Variants in CDH2 observed in about 807,000 individuals in gnomAD.
CDH2 encodes the protein cadherin 2.
CDH2 carries 17 observed loss-of-function variants against 92.0 expected under a neutral mutation model. The ratio of observed to expected loss-of-function variants is 0.18; its 90% CI spans 0.13 to 0.28. The LOEUF is 0.28. CDH2 is among the 10% of genes least tolerant of loss of function. CDH2 has a pLI of 1.00. For missense variants in CDH2, 862 were observed against 1,133.1 expected (o/e 0.76, Z 3.44); for synonymous variants, 419 against 415.9 (o/e 1.01, Z -0.09).
intron 1 of CDH2, among the ~76,000 whole-genome samples, chr18:28,171,471 C>T (rs951333360): frequency 3.3e-5 from 5 of 152,052 alleles, no homozygotes; most frequent in Non-Finnish European, 2.9e-5. Flanking sequence ...ATTACACTTA[C>T]CTTCCTTTAA....
chr18:28,037,345 C>T (rs1226581617), intron 2 of CDH2, among the ~76,000 whole-genome samples: 1 of 152,152 alleles, frequency 6.6e-6, no homozygotes, highest in Non-Finnish European at 1.5e-5. Flanking sequence ...TCTGAGGATT[C>T]AGATAGGTTG....
At chr18:28,170,150 CT>C (rs2016443151) in intron 1 of CDH2, among the ~76,000 whole-genome samples, 1 of 152,198 alleles carries the variant, frequency 6.6e-6, no homozygotes, top group African/African-American at 2.4e-5. Context: ...TTTGGATCTA[CT>C]TATAGCTCAG....
At chr18:28,130,031 C>T (rs1316508232) in intron 2 of CDH2, among the ~76,000 whole-genome samples, 4 of 152,122 alleles carry the variant, frequency 2.6e-5, no homozygotes, top group Admixed American at 6.5e-5. Flanking sequence ...TCTTGTCTTC[C>T]GTTTCCATTT....
chr18:28,081,726 T>C (rs1328015738), intron 2 of CDH2, among the ~76,000 whole-genome samples: 1 of 152,222 alleles, frequency 6.6e-6, no homozygotes, highest in African/African-American at 2.4e-5. Context: ...GTTGCATTTA[T>C]AAAACTGACC....
At chr18:28,050,314 G>A (rs969470091) in intron 2 of CDH2, among the ~76,000 whole-genome samples, 1 of 152,146 alleles carries the variant, frequency 6.6e-6, no homozygotes, top group Non-Finnish European at 1.5e-5. Flanking sequence ...ATAGCATATA[G>A]TTATAAGCCT....
At chr18:28,175,972 G>T (rs2016533920) in intron 1 of CDH2, among the ~76,000 whole-genome samples, 1 of 152,206 alleles carries the variant, frequency 6.6e-6, no homozygotes, top group Non-Finnish European at 1.5e-5. Flanking sequence ...GCCTGGGCTG[G>T]CTGGTCGGGA....
chr18:28,131,780 C>G (rs1444655210), intron 2 of CDH2, among the ~76,000 whole-genome samples: 1 of 151,932 alleles, frequency 6.6e-6, no homozygotes, highest in African/African-American at 2.4e-5. Context: ...AATTTGCAAG[C>G]TAGCATCCCA....
chr18:27,954,006 C>T (rs1391848370), intron 15 of CDH2, among the ~76,000 whole-genome samples: 1 of 152,106 alleles, frequency 6.6e-6, no homozygotes, highest in Non-Finnish European at 1.5e-5. Flanking sequence ...TACACATGAC[C>T]AGTTTTCTCA....
At chr18:27,958,974 T>C (rs1020226559) in intron 15 of CDH2, among the ~76,000 whole-genome samples, 19 of 152,206 alleles carry the variant, frequency 1.2e-4, no homozygotes, top group Admixed American at 5.9e-4. Flanking sequence ...TGTGAGTTGA[T>C]TAAACCTCTT....
intron 2 of CDH2, among the ~76,000 whole-genome samples, chr18:28,025,709 C>A (rs140259367): frequency 6.6e-6 from 1 of 151,376 alleles, no homozygotes; most frequent in Non-Finnish European, 1.5e-5. Context: ...GGGTAATTAC[C>A]ATAGCCATCA....
chr18:27,950,414 T>C (rs1482409461), downstream of CDH2, among the ~76,000 whole-genome samples: 2 of 152,132 alleles, frequency 1.3e-5, no homozygotes, highest in Non-Finnish European at 2.9e-5. Context: ...TTCCTTTTGT[T>C]GCCCTCTGCA....
chr18:27,948,054 C>T (rs1326325703), downstream of CDH2, among the ~76,000 whole-genome samples: 5 of 148,384 alleles, frequency 3.4e-5, no homozygotes, highest in Admixed American at 6.8e-5. Flanking sequence ...AGTGTGTATA[C>T]GGTAAAGAAT....
chr18:28,160,128 A>G (rs1680033308), intron 1 of CDH2, among the ~76,000 whole-genome samples: 1 of 151,932 alleles, frequency 6.6e-6, no homozygotes, highest in East Asian at 1.9e-4. Context: ...GGAAAATGAT[A>G]GCTGTTTAAG....
chr18:27,958,982 CT>C (rs2011327627), intron 15 of CDH2, among the ~76,000 whole-genome samples: 1 of 152,162 alleles, frequency 6.6e-6, no homozygotes, highest in African/African-American at 2.4e-5. Flanking sequence ...GATTAAACCT[CT>C]TTCCTTTGTA....
At chr18:28,077,961 C>T (rs73400074) in intron 2 of CDH2, among the ~76,000 whole-genome samples, 4 of 147,294 alleles carry the variant, frequency 2.7e-5, no homozygotes, top group African/African-American at 1.0e-4. Flanking sequence ...TTAAGCTTTG[C>T]AAAATCTGGA....
chr18:27,972,320 T>C (rs1054218968), intron 14 of CDH2, among the ~76,000 whole-genome samples: 4 of 152,212 alleles, frequency 2.6e-5, no homozygotes, highest in African/African-American at 9.6e-5. Flanking sequence ...GCTATGAGCC[T>C]AGCCATACTG....
intron 1 of CDH2, among the ~76,000 whole-genome samples, chr18:28,172,383 G>T (rs1357756628): frequency 6.6e-6 from 1 of 151,952 alleles, no homozygotes; most frequent in South Asian, 2.1e-4. Flanking sequence ...ACATTAATAT[G>T]TATATACCTC....
intron 7 of CDH2, among the ~76,000 whole-genome samples, chr18:27,999,976 C>T (rs895952818): frequency 5.3e-5 from 8 of 152,060 alleles, no homozygotes; most frequent in Non-Finnish European, 1.0e-4. Context: ...TCTCTCCTTC[C>T]GCCCTGTGAA....
At chr18:27,980,588 C>T (rs2012014441) in intron 14 of CDH2, among the ~76,000 whole-genome samples, 1 of 151,982 alleles carries the variant, frequency 6.6e-6, no homozygotes, top group Non-Finnish European at 1.5e-5. Context: ...AGAATGAGAA[C>T]TGCATGGAGA....
Sources: allele counts gnomAD v4.1 joint callset (sites outside exome capture counted in the v4.1 genomes callset), GRCh38; gene constraint gnomAD v4.1.1; transcripts MANE v1.5; gene names NCBI Gene and HGNC (gene_info 2026-07-23, HGNC 2026-07-21).